Variants in PSMA6 observed in about 807,000 individuals in gnomAD.
PSMA6 encodes proteasome 20S subunit alpha 6.
For missense variants in PSMA6, 170 were observed against 294.8 expected, an observed-to-expected ratio of 0.58 and a Z score of 3.10; for synonymous variants, 88 against 97.7, an observed-to-expected ratio of 0.90 and a Z score of 0.59.
intron 1 of PSMA6, among the ~76,000 whole-genome samples, chr14:35,282,393 C>G (rs1049800452): frequency 6.6e-6 from 1 of 151,652 alleles, no homozygotes; most frequent in Non-Finnish European, 1.5e-5. Context: ...CTCTACCACC[C>G]CCAGATAATT....
At position 35,307,990 on chromosome 14, in the gene PSMA6, C is replaced by G. The variant is rs778723509; in HGVS notation, c.77-4C>G. 10 of 1,613,230 alleles carry G rather than the reference C, an allele frequency of 6.2e-6. No individual in the cohort carries two copies. Among genetic ancestry groups the G allele is most frequent in the Non-Finnish European group, 8.5e-6 (10 of 1,179,586 alleles). ...AACTTAAAAAAAACTGTTCTGTTTT[C>G]CAGAATATGCTTTTAAGGCTATTAA... is the stretch of plus-strand genomic sequence containing the variant. On this transcript the variant is annotated splice_polypyrimidine_tract_variant and splice_region_variant and intron_variant, in intron 1 of 6. Transcript: ENST00000261479.
chr14:35,290,078 TAAG>T (rs942796089), upstream of PSMA6, among the ~76,000 whole-genome samples: 1 of 152,080 alleles, frequency 6.6e-6, no homozygotes, highest in African/African-American at 2.4e-5. Flanking sequence ...ATAGATGAGA[TAAG>T]GAGTTCTCTT....
At chr14:35,281,565 C>G (rs917093842) in intron 1 of PSMA6, among the ~76,000 whole-genome samples, 2 of 152,104 alleles carry the variant, frequency 1.3e-5, no homozygotes, top group Admixed American at 6.6e-5. Context: ...GTGAGCTCCA[C>G]AATTATATAA....
intron 1 of PSMA6, among the ~76,000 whole-genome samples, chr14:35,286,202 C>T (rs534949127): frequency 6.6e-6 from 1 of 152,314 alleles, no homozygotes; most frequent in South Asian, 2.1e-4. Flanking sequence ...AGATTCAAAC[C>T]CAGTGCTGCT....
chr14:35,294,879 G>A (rs1414411341), intron 1 of PSMA6, among the ~76,000 whole-genome samples: 2 of 152,114 alleles, frequency 1.3e-5, no homozygotes, highest in Non-Finnish European at 1.5e-5. Context: ...ATTATAGGAT[G>A]CAAGTTGTTA....
At chr14:35,296,914 A>G (rs1457214181) in intron 1 of PSMA6, among the ~76,000 whole-genome samples, 1 of 151,872 alleles carries the variant, frequency 6.6e-6, no homozygotes, top group East Asian at 1.9e-4. Context: ...GGGATCAAAT[A>G]CTGCTGTATT....
At position 35,292,603 on chromosome 14, in the gene PSMA6, A is replaced by G. The variant is rs768554115; in HGVS notation, c.76+51A>G. 1.1e-5 allele frequency: 17 copies of G among 1,603,484 alleles called. No individual in the cohort carries two copies. In the South Asian group the frequency reaches 1.8e-4, roughly 17 times the overall value. ...GCCACCTGAATTGCCCTGTCATGGT[A>G]CGTGCCTGGAGCGAGCAGACGCGGC... On this transcript the variant is annotated intron_variant, in intron 1 of 6. Transcript: ENST00000261479.
chr14:35,302,012 T>C (rs1196732755), intron 1 of PSMA6, among the ~76,000 whole-genome samples: 2 of 151,980 alleles, frequency 1.3e-5, no homozygotes, highest in Non-Finnish European at 2.9e-5. Flanking sequence ...CCAGTTGCTA[T>C]GTGGGATTGA....
upstream of PSMA6, among the ~76,000 whole-genome samples, chr14:35,291,823 C>CAA (rs113987343): frequency 0.01 from 482 of 46,804 alleles, 5 homozygotes; most frequent in African/African-American, 0.023. Flanking sequence ...AACTCTGTCT[C>CAA]AAAAAAAAAA....
chr14:35,317,024 A>G, intron 6 of PSMA6: 1 of 398,818 alleles, frequency 2.5e-6, no homozygotes, highest in South Asian at 6.1e-5. Context: ...GTCAAAGTAA[A>G]CATTTTTGTG....
chr14:35,296,707 A>G (rs17537248), intron 1 of PSMA6, among the ~76,000 whole-genome samples: 8,797 of 152,262 alleles, frequency 0.058, 335 homozygotes, highest in Middle Eastern at 0.11. Flanking sequence ...AATTTCACAA[A>G]TGACTGAGAA....
At chr14:35,303,928 G>T (rs776698436) in intron 1 of PSMA6, among the ~76,000 whole-genome samples, 1 of 150,376 alleles carries the variant, frequency 6.6e-6, no homozygotes, top group Non-Finnish European at 1.5e-5. Flanking sequence ...TTTTTAAACG[G>T]AGTCTCACTC....
At chr14:35,305,633 C>T (rs2138739977) in intron 1 of PSMA6, among the ~76,000 whole-genome samples, 1 of 152,290 alleles carries the variant, frequency 6.6e-6, no homozygotes, top group South Asian at 2.1e-4. Context: ...GGCCTTGGCT[C>T]AGACTCAGTG....
At chr14:35,292,720 T>G in intron 1 of PSMA6, 168 bp downstream of exon 1, 1 of 1,279,296 alleles carries the variant, frequency 7.8e-7, no homozygotes, top group Non-Finnish European at 1.1e-6. Flanking sequence ...CACCCCCGTC[T>G]GGACGCAGGG....
chr14:35,290,612 T>A (rs1376929824), upstream of PSMA6, among the ~76,000 whole-genome samples: 2 of 152,228 alleles, frequency 1.3e-5, no homozygotes, highest in Non-Finnish European at 2.9e-5. Context: ...AGAAAGTTAG[T>A]TTAGGAAATA....
At chr14:35,306,028 C>T (rs1370387906) in intron 1 of PSMA6, among the ~76,000 whole-genome samples, 1 of 152,122 alleles carries the variant, frequency 6.6e-6, no homozygotes, top group Non-Finnish European at 1.5e-5. Context: ...GAGTTTGAGA[C>T]CAGCCTGGGC....
intron 1 of PSMA6, among the ~76,000 whole-genome samples, chr14:35,299,893 A>G (rs1438963228): frequency 6.6e-6 from 1 of 152,214 alleles, no homozygotes; most frequent in Non-Finnish European, 1.5e-5. Context: ...AAGGTATTAC[A>G]GGAAGTGACT....
intron 1 of PSMA6, among the ~76,000 whole-genome samples, chr14:35,295,769 T>G (rs2051575052): frequency 6.6e-6 from 1 of 152,210 alleles, no homozygotes; most frequent in African/African-American, 2.4e-5. Flanking sequence ...TTTCTCTTAA[T>G]GTACATATGC....
upstream of PSMA6, among the ~76,000 whole-genome samples, chr14:35,288,186 G>C (rs1210841374): frequency 6.6e-6 from 1 of 152,202 alleles, no homozygotes; most frequent in Non-Finnish European, 1.5e-5. Context: ...TGGTATTGAG[G>C]ATACACTGGT....
Sources: gnomAD v4.1 joint callset for allele counts (sites outside exome capture counted in the v4.1 genomes callset) on GRCh38, gnomAD v4.1.1 for gene constraint, MANE v1.5 for transcripts, NCBI Gene and HGNC (gene_info 2026-07-23, HGNC 2026-07-21) for gene names.